The following PRUNE2 variants were observed in gnomAD, a reference collection of about 807,000 sequenced individuals.
PRUNE2 encodes the protein protein prune homolog 2.
In PRUNE2, 164 loss-of-function variants were observed where a neutral mutation model predicts 252.0. The ratio of observed to expected loss-of-function variants is 0.65; its 90% CI spans 0.57 to 0.74. The LOEUF (loss-of-function observed/expected upper bound fraction) is 0.74, where lower values mean the gene tolerates loss of function less well. PRUNE2 is among the 30% of genes least tolerant of loss of function. The probability of loss-of-function intolerance (pLI) is 0.00; values close to 1 mark genes in which losing one functional copy is unlikely to be tolerated. For missense variants in PRUNE2, 3,495 were observed against 3,711.0 expected (o/e 0.94, Z 1.51); for synonymous variants, 1,292 against 1,350.2 (o/e 0.96, Z 0.94).
chr9:76,636,405 G>A lies in PRUNE2; in HGVS notation c.9050+66C>T, dbSNP rs1049401178. On this transcript the variant is annotated intron_variant, in intron 15 of 18. Coordinates refer to ENST00000376718, the MANE Select transcript of PRUNE2 (RefSeq NM_015225.3). ...TTAGTTTATGAATTCTTGTTTTTAG[G>A]ACAATGAGTACATATTTTTTAAAAC... 3 of 831,516 alleles carry A rather than the reference G, an allele frequency of 3.6e-6. No individual in the cohort carries two copies. The African/African-American group carries it at 5.2e-5, about 14-fold the overall frequency. 51.5% of individuals were successfully genotyped at this position (831,516 alleles called of 1,614,324 possible). A position where few individuals can be genotyped will look rare whatever the true frequency, so the allele number is the denominator to read the frequency against.
chr9:76,741,144 T>C (rs2049584164), intron 6 of PRUNE2, among the ~76,000 whole-genome samples: 1 of 152,212 alleles, frequency 6.6e-6, no homozygotes, highest in African/African-American at 2.4e-5. Context: ...ATAAATGCAC[T>C]GTGGTGTAAG....
chr9:76,762,368 A>G (rs1266584224), intron 6 of PRUNE2, among the ~76,000 whole-genome samples: 2 of 152,220 alleles, frequency 1.3e-5, no homozygotes, highest in Non-Finnish European at 2.9e-5. Flanking sequence ...TTAATAAGGG[A>G]GGCAGGAATG....
intron 1 of PRUNE2, among the ~76,000 whole-genome samples, chr9:76,889,479 C>T (rs1161649275): frequency 1.3e-5 from 2 of 151,940 alleles, no homozygotes; most frequent in East Asian, 3.9e-4. Context: ...CACCACTAAG[C>T]CCAGCTACTT....
At chr9:76,642,001 T>TAAAAAAAAAAAAAAAAAAGA in intron 12 of PRUNE2, 3 of 1,010,456 alleles carry the variant, frequency 3.0e-6, no homozygotes, top group South Asian at 1.7e-5. Context: ...ATAAGAGAAG[T>TAAAAAAAAAAAAAAAAAAGA]AAAAAAAAAA....
rs557620388 is a variant in PRUNE2 at position 76,753,204 on chromosome 9, A to AT, written c.757-39484dup. Among the ~76,000 whole-genome samples, 268 of 151,976 alleles carry AT rather than the reference A, an allele frequency of 1.8e-3. 1 individual carries two copies. Among genetic ancestry groups the AT allele is most frequent in the African/African-American group, 6.2e-3 (258 of 41,490 alleles). ...GCTACCATGCCTGGCTAATTTTTGT[A>AT]TTTTTTGTGGAAATGGAGTCTCATT... is the stretch of plus-strand genomic sequence containing the variant. On this transcript the variant is annotated intron_variant, in intron 6 of 18. Coordinates refer to ENST00000376718, the MANE Select transcript of PRUNE2 (RefSeq NM_015225.3).
In PRUNE2 at chr9:76,846,690, A is replaced by G; in HGVS notation, c.345-12T>C. 6.2e-7 allele frequency: 1 copy of G among 1,609,278 alleles called. No homozygotes were observed. Among genetic ancestry groups the G allele is most frequent in the Non-Finnish European group, 8.5e-7 (1 of 1,175,820 alleles). ...AAGTTTTGTCTTCACTGTAAAGCAA[A>G]TGGAGGGGAGGAAGAGAAAGGGATA... On this transcript the variant is annotated splice_polypyrimidine_tract_variant and intron_variant, in intron 3 of 18. Coordinates refer to ENST00000376718, the MANE Select transcript of PRUNE2 (RefSeq NM_015225.3).
chr9:76,651,597 C>T (rs1847414653), intron 11 of PRUNE2, among the ~76,000 whole-genome samples: 1 of 152,150 alleles, frequency 6.6e-6, no homozygotes, highest in Non-Finnish European at 1.5e-5. Flanking sequence ...ACAGAAACTA[C>T]ATAATGCCAT....
chr9:76,876,777 A>G (rs1564488349), intron 1 of PRUNE2, among the ~76,000 whole-genome samples: 1 of 152,214 alleles, frequency 6.6e-6, no homozygotes, highest in African/African-American at 2.4e-5. Flanking sequence ...CTTAAACCCA[A>G]GAGGAAATTT....
In PRUNE2 at chr9:76,706,896, CCT is replaced by C; in HGVS notation, c.5376_5377del (p.Gly1793AspfsTer21). 2 of 1,599,018 alleles carry C rather than the reference CCT, an allele frequency of 1.3e-6. No homozygotes were observed. The highest frequency in any genetic ancestry group is 4.5e-5 in the East Asian group (2 of 44,710). On this transcript the variant is annotated frameshift_variant, in exon 8 of 19. Transcript: ENST00000376718. LOFTEE classifies it high-confidence loss of function. ...TTGCCATGCAACATCTCCTGTTGTC[CCT>C]GTTTCTGGAGAAGATCTCTTCTCCT...
At chr9:76,687,052 C>G (rs930626340) in intron 9 of PRUNE2, among the ~76,000 whole-genome samples, 5 of 152,204 alleles carry the variant, frequency 3.3e-5, no homozygotes, top group African/African-American at 1.2e-4. Context: ...AGCCATGAGC[C>G]TTGATTACAT....
chr9:76,799,006 G>A (rs1420286548), intron 6 of PRUNE2, among the ~76,000 whole-genome samples: 2 of 152,184 alleles, frequency 1.3e-5, no homozygotes, highest in African/African-American at 4.8e-5. Context: ...AGATCACCCT[G>A]GCAGGCTTCT....
In PRUNE2 at chr9:76,701,838, C is replaced by A. The variant is rs116110387; in HGVS notation, c.8276+1499G>T. 7.9e-3 allele frequency among the ~76,000 whole-genome samples: 1,206 copies of A among 152,282 alleles called. 11 individuals carry two copies. Among genetic ancestry groups the A allele is most frequent in the African/African-American group, 0.026 (1,092 of 41,542 alleles). ...CCCCTGGACACATTCTGTTTCCACA[C>A]AAATTAAGTTCCCAGAATTTAATAC... On this transcript the variant is annotated intron_variant, in intron 9 of 18. Coordinates refer to ENST00000376718, the MANE Select transcript of PRUNE2 (RefSeq NM_015225.3).
chr9:76,723,846 C>T (rs1300223668), intron 6 of PRUNE2, among the ~76,000 whole-genome samples: 2 of 145,398 alleles, frequency 1.4e-5, no homozygotes, highest in East Asian at 2.1e-4. Context: ...ATCGCTCTGT[C>T]GCCCAGGCTG....
At chr9:76,644,490 T>A in intron 12 of PRUNE2, 1 of 569,276 alleles carries the variant, frequency 1.8e-6, no homozygotes, top group South Asian at 1.7e-5. Context: ...TTGCACAAGA[T>A]GATCGCTATC....
At chr9:76,646,951 G>T (rs1224688224) in intron 11 of PRUNE2, among the ~76,000 whole-genome samples, 2 of 152,108 alleles carry the variant, frequency 1.3e-5, no homozygotes, top group African/African-American at 2.4e-5. Flanking sequence ...CACTCTGAAG[G>T]CCAAGGCAGG....
At chr9:76,701,046 G>A (rs2045848815) in intron 9 of PRUNE2, among the ~76,000 whole-genome samples, 1 of 152,216 alleles carries the variant, frequency 6.6e-6, no homozygotes, top group African/African-American at 2.4e-5. Context: ...ACGGCTGACA[G>A]TATGTTTTAA....
rs539700660 is a variant in PRUNE2, at chr9:76,815,468, T to C, written c.756+8164A>G. Among the ~76,000 whole-genome samples, 54 of 152,312 alleles carry C rather than the reference T, an allele frequency of 3.5e-4. 1 individual carries two copies. Among genetic ancestry groups the C allele is most frequent in the Middle Eastern group, 3.4e-3 (1 of 294 alleles). On this transcript the variant is annotated intron_variant, in intron 6 of 18. Transcript: ENST00000376718. ...GGCACCTTCTCACCGCATATTCACA[T>C]GGCAAAAGGGACAAACATGTCCCCG...
chr9:76,807,061 CGT>C (rs939864411), intron 6 of PRUNE2, among the ~76,000 whole-genome samples: 6 of 146,198 alleles, frequency 4.1e-5, no homozygotes, highest in Admixed American at 1.4e-4. Context: ...TGCGCGCGCG[CGT>C]GTGTCTGTCT....
chr9:76,866,907 T>G (rs763359095), intron 1 of PRUNE2, among the ~76,000 whole-genome samples: 2 of 152,146 alleles, frequency 1.3e-5, no homozygotes, highest in African/African-American at 4.8e-5. Context: ...TTCCGCCCGG[T>G]GCTGTGAACA....
Sources: gnomAD v4.1 joint callset for allele counts (sites outside exome capture counted in the v4.1 genomes callset) on GRCh38, gnomAD v4.1.1 for gene constraint, MANE v1.5 for transcripts, NCBI Gene and HGNC (gene_info 2026-07-23, HGNC 2026-07-21) for gene names.